Variants in TAFA1 observed in about 807,000 individuals in gnomAD.
TAFA1 encodes TAFA chemokine like family member 1, also known as chemokine-like protein TAFA-1.
In TAFA1, 4 loss-of-function variants were observed where a neutral mutation model predicts 18.5. The observed-to-expected ratio is 0.22, with a 90% CI of 0.11 to 0.49. The LOEUF is 0.49. Ranked by LOEUF, TAFA1 falls within the 20% of genes least tolerant of loss-of-function variation. The probability of loss-of-function intolerance (pLI) is 0.98; values close to 1 mark genes in which losing one functional copy is unlikely to be tolerated. For synonymous variants in TAFA1, 56 were observed against 55.2 expected (o/e 1.01, Z -0.06); for missense variants, 147 against 169.0 (o/e 0.87, Z 0.72).
chr3:68,087,413 C>T (rs2064983351), intron 2 of TAFA1, among the ~76,000 whole-genome samples: 1 of 152,062 alleles, frequency 6.6e-6, no homozygotes, highest in Admixed American at 6.6e-5. Flanking sequence ...ACAAGTAATA[C>T]ATTTTATTAA....
chr3:68,385,339 A>G (rs779690688), intron 2 of TAFA1, among the ~76,000 whole-genome samples: 1 of 152,104 alleles, frequency 6.6e-6, no homozygotes, highest in Non-Finnish European at 1.5e-5. Flanking sequence ...ATAAATCCTG[A>G]TCAAAGACTA....
At chr3:68,432,375 C>T (rs991956929) in intron 3 of TAFA1, among the ~76,000 whole-genome samples, 1 of 151,968 alleles carries the variant, frequency 6.6e-6, no homozygotes, top group Non-Finnish European at 1.5e-5. Flanking sequence ...ATGCGTAATC[C>T]AATCTCCATG....
chr3:68,209,340 A>G (rs2066565880), intron 2 of TAFA1, among the ~76,000 whole-genome samples: 3 of 152,054 alleles, frequency 2.0e-5, no homozygotes, highest in African/African-American at 7.2e-5. Flanking sequence ...TCAGCAATAG[A>G]AAACTAATAC....
intron 2 of TAFA1, among the ~76,000 whole-genome samples, chr3:68,405,319 A>G (rs1049433458): frequency 6.6e-6 from 1 of 152,032 alleles, no homozygotes; most frequent in Non-Finnish European, 1.5e-5. Context: ...AATGTTATAA[A>G]GAAACATAGA....
Position 68,417,309 on chromosome 3 carries a change from C to T in TAFA1, c.148C>T (p.His50Tyr). 2 of 1,613,330 alleles carry T rather than the reference C, an allele frequency of 1.2e-6. No homozygotes were observed. The highest frequency in any genetic ancestry group is 1.7e-6 in the Non-Finnish European group (2 of 1,179,560). Residue 50 changes from histidine to tyrosine, a missense_variant, in exon 3 of 5, where the codon CAC becomes TAC. By Grantham distance (83) the His-to-Tyr change is moderately conservative. Transcript: ENST00000478136. ...AGGGACGTGTGAAGTGATAGCAGCA[C>T]ACCGATGTTGTAACAAGAATCGCAT... The part of the protein sequence containing the change: ...EGGTCEVIAA[H>Y]RCCNKNRIEE...
At chr3:68,040,933 A>G (rs1484104145) in intron 2 of TAFA1, among the ~76,000 whole-genome samples, 1 of 152,192 alleles carries the variant, frequency 6.6e-6, no homozygotes, top group Non-Finnish European at 1.5e-5. Context: ...TAACACATAC[A>G]TCGCCAATGA....
intron 2 of TAFA1, among the ~76,000 whole-genome samples, chr3:68,028,352 C>T (rs1704861110): frequency 6.6e-6 from 1 of 151,840 alleles, no homozygotes; most frequent in African/African-American, 2.4e-5. Flanking sequence ...ATAGCTGCAT[C>T]TATAATTTAA....
At chr3:68,044,513 C>T (rs1705229449) in intron 2 of TAFA1, among the ~76,000 whole-genome samples, 1 of 152,218 alleles carries the variant, frequency 6.6e-6, no homozygotes, top group East Asian at 1.9e-4. Context: ...CCTCCTGCTG[C>T]TTTCCCTCTT....
intron 2 of TAFA1, among the ~76,000 whole-genome samples, chr3:68,040,581 G>C (rs1351615387): frequency 1.3e-5 from 2 of 152,190 alleles, no homozygotes; most frequent in African/African-American, 2.4e-5. Flanking sequence ...CTTATTTCGA[G>C]AAGGTTGTTA....
intron 2 of TAFA1, among the ~76,000 whole-genome samples, chr3:68,214,171 A>G (rs910146388): frequency 3.9e-5 from 6 of 152,064 alleles, no homozygotes; most frequent in Non-Finnish European, 7.4e-5. Context: ...CTTGACATAC[A>G]TCAACAACTC....
chr3:68,224,169 G>A (rs567651131), intron 2 of TAFA1, among the ~76,000 whole-genome samples: 1 of 152,054 alleles, frequency 6.6e-6, no homozygotes, highest in African/African-American at 2.4e-5. Context: ...ATGCATGTAT[G>A]AATTGTCTTT....
chr3:68,361,660 A>AT (rs1166291662), intron 2 of TAFA1, among the ~76,000 whole-genome samples: 1 of 151,908 alleles, frequency 6.6e-6, no homozygotes, highest in Non-Finnish European at 1.5e-5. Context: ...AAAGGAAAAA[A>AT]AAAACAAGAT....
intron 2 of TAFA1, among the ~76,000 whole-genome samples, chr3:68,323,019 A>G (rs1032720570): frequency 1.3e-5 from 2 of 152,228 alleles, no homozygotes; most frequent in Admixed American, 6.5e-5. Context: ...CAGGAAAATC[A>G]GGACCAGTTG....
chr3:68,152,207 G>A (rs1289803276), intron 2 of TAFA1, among the ~76,000 whole-genome samples: 2 of 152,118 alleles, frequency 1.3e-5, no homozygotes, highest in Non-Finnish European at 2.9e-5. Context: ...CTGAAAGTGT[G>A]TCTACCTGCA....
At chr3:68,375,695 C>T (rs951236974) in intron 2 of TAFA1, among the ~76,000 whole-genome samples, 8 of 152,272 alleles carry the variant, frequency 5.3e-5, no homozygotes, top group Non-Finnish European at 1.0e-4. Flanking sequence ...ACAGTAATAA[C>T]TAATACTTTT....
intron 4 of TAFA1, among the ~76,000 whole-genome samples, chr3:68,540,183 CA>C (rs2073349375): frequency 1.3e-5 from 2 of 151,736 alleles, no homozygotes; most frequent in African/African-American, 4.9e-5. Context: ...TAGGTGAAAA[CA>C]TCTTGTGTAT....
At chr3:68,027,631 C>T (rs1704844520) in intron 2 of TAFA1, among the ~76,000 whole-genome samples, 1 of 152,190 alleles carries the variant, frequency 6.6e-6, no homozygotes, top group Non-Finnish European at 1.5e-5. Flanking sequence ...ACCGTGAAGT[C>T]ACATCTCCTT....
intron 2 of TAFA1, among the ~76,000 whole-genome samples, chr3:68,011,997 G>A (rs559707938): frequency 6.6e-6 from 1 of 152,310 alleles, no homozygotes; most frequent in East Asian, 1.9e-4. Context: ...GAAAATAGAT[G>A]TTATACCACA....
At chr3:68,318,380 C>A (rs1191950222) in intron 2 of TAFA1, among the ~76,000 whole-genome samples, 1 of 151,890 alleles carries the variant, frequency 6.6e-6, no homozygotes, top group African/African-American at 2.4e-5. Context: ...ATTGGAAGGC[C>A]CTAAATCTAA....
Sources: gnomAD v4.1 joint callset for allele counts (sites outside exome capture counted in the v4.1 genomes callset) on GRCh38, gnomAD v4.1.1 for gene constraint, MANE v1.5 for transcripts, NCBI Gene and HGNC (gene_info 2026-07-23, HGNC 2026-07-21) for gene names.